Variants in ESF1 observed in about 807,000 individuals in gnomAD.
ESF1 encodes ESF1 homolog.
In ESF1, 58 loss-of-function variants were observed where a neutral mutation model predicts 92.0. That is an observed-to-expected ratio of 0.63 (90% CI 0.51 to 0.78). The LOEUF (loss-of-function observed/expected upper bound fraction) is 0.78. Ranked by LOEUF, ESF1 falls within the 30% of genes least tolerant of loss-of-function variation. ESF1 has a pLI of 0.00. For missense variants in ESF1, 922 were observed against 989.1 expected (o/e 0.93, Z 0.91); for synonymous variants, 321 against 313.7 (o/e 1.02, Z -0.24).
Position 13,777,444 on chromosome 20 carries a change from G to A in ESF1, c.638-1174C>T, listed in dbSNP as rs537172707. Among the ~76,000 whole-genome samples the A allele has an allele frequency of 4.6e-5, 7 of 152,278 alleles. No individual in the cohort carries two copies. In the East Asian group the frequency reaches 1.4e-3, roughly 29 times the overall value. Reference sequence around the variant, plus strand: ...GTTTTGAATATGTTGAATACGAAGTGCCACTCAGTCATCTAAAAGAAAGTA... The same window carrying A: ...GTTTTGAATATGTTGAATACGAAGTACCACTCAGTCATCTAAAAGAAAGTA... On this transcript the variant is annotated intron_variant, in intron 2 of 13. Transcript: ENST00000617257.
intron 7 of ESF1, among the ~76,000 whole-genome samples, chr20:13,768,314 G>A (rs1168024636): frequency 1.3e-5 from 2 of 152,182 alleles, no homozygotes; most frequent in East Asian, 1.9e-4. Context: ...TGGACAGAAA[G>A]GTTATTGGGA....
chr20:13,756,285 A>G (rs558288082), intron 9 of ESF1, among the ~76,000 whole-genome samples: 19 of 152,358 alleles, frequency 1.2e-4, no homozygotes, highest in African/African-American at 4.1e-4. Flanking sequence ...GTGCATGTAC[A>G]TAAGGATTCA....
At position 13,743,946 on chromosome 20, in the gene ESF1, T is replaced by C. The variant is rs966609624; in HGVS notation, c.1829-10104A>G. ...AAAACTATATACAATGGAAAGTAAA[T>C]GAATAAATACTGAAATCTGGATAAT... On this transcript the variant is annotated intron_variant, in intron 9 of 13. Transcript: ENST00000617257. Among the ~76,000 whole-genome samples, 10 of 152,326 alleles carry C rather than the reference T, an allele frequency of 6.6e-5. No individual in the cohort carries two copies. The East Asian group carries it at 1.9e-3, about 29-fold the overall frequency.
intron 9 of ESF1, among the ~76,000 whole-genome samples, chr20:13,746,945 AAGC>A (rs1179983069): frequency 6.6e-6 from 1 of 152,230 alleles, no homozygotes; most frequent in African/African-American, 2.4e-5. Flanking sequence ...ACTACTAAGA[AAGC>A]AGTACCTTCC....
At chr20:13,750,989 A>G (rs895079988) in intron 9 of ESF1, among the ~76,000 whole-genome samples, 2 of 152,182 alleles carry the variant, frequency 1.3e-5, no homozygotes, top group Non-Finnish European at 1.5e-5. Flanking sequence ...AAATAAATAA[A>G]TAACACCTGA....
chr20:13,775,350 T>C (rs6079174), intron 3 of ESF1, 80 bp from the exon 4 acceptor site: 103,185 of 896,210 alleles, frequency 0.12, 6,606 homozygotes, highest in Non-Finnish European at 0.13. Context: ...AAAAATGTAA[T>C]GCCTTCTGTC....
At chr20:13,781,586 C>T (rs74179719) in intron 2 of ESF1, among the ~76,000 whole-genome samples, 11,054 of 152,208 alleles carry the variant, frequency 0.073, 435 homozygotes, top group Non-Finnish European at 0.087. Context: ...GCCATGCACT[C>T]TGGAGGGGGC....
intron 9 of ESF1, among the ~76,000 whole-genome samples, chr20:13,740,597 T>C (rs1214495127): frequency 6.6e-6 from 1 of 152,210 alleles, no homozygotes; most frequent in Non-Finnish European, 1.5e-5. Context: ...TGTAATATTC[T>C]AAGAGAAAAT....
At chr20:13,783,725 G>A (rs112248742) in intron 1 of ESF1, among the ~76,000 whole-genome samples, 1 of 152,182 alleles carries the variant, frequency 6.6e-6, no homozygotes, top group Non-Finnish European at 1.5e-5. Flanking sequence ...TAAGGCAAGA[G>A]GATCACTTCC....
At position 13,762,929 on chromosome 20, in the gene ESF1, C is replaced by T. The variant is rs1315919957; in HGVS notation, c.1667-3076G>A. 1.7e-4 allele frequency: 44 copies of T among 262,382 alleles called. 1 individual carries two copies. The highest frequency in any genetic ancestry group is 1.1e-3 in the South Asian group (35 of 30,634). The allele number at this position is 262,382 out of a possible 1,614,324, so 16.3% of individuals were successfully genotyped here. A position where few individuals can be genotyped will look rare whatever the true frequency, so the allele number is the denominator to read the frequency against. ...AGGCTGGAGTGCAGTGGCACGATCT[C>T]GGCTCACTGCAAGCTCTGCCTCCCG... On this transcript the variant is annotated intron_variant, in intron 8 of 13. Transcript: ENST00000617257.
intron 11 of ESF1, among the ~76,000 whole-genome samples, chr20:13,720,273 G>A (rs970521306): frequency 1.3e-5 from 2 of 152,054 alleles, no homozygotes; most frequent in African/African-American, 4.8e-5. Flanking sequence ...AACTACCCAT[G>A]AGAGCCAAGT....
intron 2 of ESF1, among the ~76,000 whole-genome samples, chr20:13,779,455 G>T (rs564078006): frequency 6.6e-6 from 1 of 152,058 alleles, no homozygotes; most frequent in Admixed American, 6.5e-5. Context: ...CGTTATTTTG[G>T]AACCTATTTT....
Position 13,783,255 on chromosome 20 carries a change from ACAATAT to A in ESF1, c.-43-78_-43-73del, listed in dbSNP as rs1980330756. ...TAATTAAATGTTTTAAAACACATTC[ACAATAT>A]ATTCTAAGTTAATATATTCTAAGTT... On this transcript the variant is annotated intron_variant, in intron 1 of 13. Coordinates refer to ENST00000617257, the MANE Select transcript of ESF1 (RefSeq NM_001276380.2). 5.5e-5 allele frequency: 60 copies of A among 1,095,608 alleles called. 1 individual carries two copies. The highest frequency in any genetic ancestry group is 7.0e-5 in the Non-Finnish European group (55 of 788,292). 67.9% of individuals were successfully genotyped at this position (1,095,608 alleles called of 1,614,324 possible). A position where few individuals can be genotyped will look rare whatever the true frequency, so the allele number is the denominator to read the frequency against.
At chr20:13,715,210 A>T in intron 13 of ESF1, 43 bp from the exon 14 acceptor site, 1 of 1,436,816 alleles carries the variant, frequency 7.0e-7, no homozygotes. Flanking sequence ...TTAATTAAAC[A>T]AAATTACTAA....
chr20:13,715,873 G>T (rs2049821207), intron 13 of ESF1, among the ~76,000 whole-genome samples: 1 of 152,118 alleles, frequency 6.6e-6, no homozygotes, highest in Admixed American at 6.6e-5. Flanking sequence ...GCTTTACTTA[G>T]TTATCACGAG....
chr20:13,760,559 C>T (rs536356736), intron 8 of ESF1, among the ~76,000 whole-genome samples: 1 of 151,078 alleles, frequency 6.6e-6, no homozygotes, highest in East Asian at 2.0e-4. Context: ...CTCCGCCCGG[C>T]AGCCGCCCCA....
intron 13 of ESF1, among the ~76,000 whole-genome samples, chr20:13,715,482 G>T (rs6042314): frequency 9.2e-5 from 14 of 151,960 alleles, no homozygotes; most frequent in Admixed American, 8.5e-4. Context: ...CTGTAGCAGT[G>T]GTTTGTGAGG....
At chr20:13,760,592 C>T (rs1165299990) in intron 8 of ESF1, among the ~76,000 whole-genome samples, 36 of 147,926 alleles carry the variant, frequency 2.4e-4, no homozygotes, top group African/African-American at 7.5e-4. Context: ...GGAGCCCCTC[C>T]GCCCGGCAGC....
In ESF1 at chr20:13,739,959, T is replaced by C. The variant is rs527820911; in HGVS notation, c.1829-6117A>G. 5.3e-5 allele frequency among the ~76,000 whole-genome samples: 8 copies of C among 152,156 alleles called. No homozygotes were observed. In the East Asian group the frequency reaches 1.4e-3, roughly 26 times the overall value. ...GGTGCTCTCAGTGGGTGATGTCCCTTCCCCCACAAATCAGAGAGAACACAT... is the reference window on the plus strand; with the variant it reads ...GGTGCTCTCAGTGGGTGATGTCCCTCCCCCCACAAATCAGAGAGAACACAT... On this transcript the variant is annotated intron_variant, in intron 9 of 13. Transcript: ENST00000617257.
Sources: allele counts gnomAD v4.1 joint callset (sites outside exome capture counted in the v4.1 genomes callset), GRCh38; gene constraint gnomAD v4.1.1; transcripts MANE v1.5; gene names NCBI Gene and HGNC (gene_info 2026-07-23, HGNC 2026-07-21).